IGF2BP3: variants seen among roughly 807,000 people sequenced by gnomAD.
The protein encoded by IGF2BP3 is insulin like growth factor 2 mRNA binding protein 3.
IGF2BP3 carries 9 observed loss-of-function variants against 73.8 expected under a neutral mutation model. The observed-to-expected ratio is 0.12, with a 90% CI of 0.07 to 0.21. The LOEUF (loss-of-function observed/expected upper bound fraction) is 0.21, where lower values mean the gene tolerates loss of function less well. IGF2BP3 is among the 10% of genes least tolerant of loss of function. The probability of loss-of-function intolerance (pLI) is 1.00; values close to 1 mark genes in which losing one functional copy is unlikely to be tolerated. For synonymous variants in IGF2BP3, 258 were observed against 256.7 expected, an observed-to-expected ratio of 1.01 and a Z score of -0.05; for missense variants, 542 against 714.0, an observed-to-expected ratio of 0.76 and a Z score of 2.75.
At chr7:23,439,212 C>T (rs546091029) in intron 2 of IGF2BP3, among the ~76,000 whole-genome samples, 18 of 152,062 alleles carry the variant, frequency 1.2e-4, no homozygotes, top group African/African-American at 4.1e-4. Context: ...CATTGCACTC[C>T]GGGCTGGGGA....
At chr7:23,399,984 T>C (rs904042099) in intron 3 of IGF2BP3, among the ~76,000 whole-genome samples, 2 of 152,176 alleles carry the variant, frequency 1.3e-5, no homozygotes, top group Non-Finnish European at 2.9e-5. Context: ...GAACAAGTTG[T>C]CATATCTTTA....
chr7:23,364,571 A>AACC, intron 3 of IGF2BP3, among the ~76,000 whole-genome samples: 1 of 86,434 alleles, frequency 1.2e-5, no homozygotes, highest in East Asian at 3.2e-4. Context: ...AAAAAAAAAA[A>AACC]GCGGGAGGTT....
At chr7:23,421,480 G>A (rs954968537) in intron 2 of IGF2BP3, among the ~76,000 whole-genome samples, 1 of 151,508 alleles carries the variant, frequency 6.6e-6, no homozygotes, top group Non-Finnish European at 1.5e-5. Flanking sequence ...ATCACCTGAG[G>A]TCAGAAGTTC....
chr7:23,407,947 A>T (rs637801), intron 3 of IGF2BP3, among the ~76,000 whole-genome samples: 4 of 4,454 alleles, frequency 9.0e-4, no homozygotes, highest in Non-Finnish European at 2.4e-3. Flanking sequence ...TGTGGGGGGC[A>T]GGGGGCGGGG....
intron 10 of IGF2BP3, among the ~76,000 whole-genome samples, chr7:23,323,236 A>C (rs963881130): frequency 4.0e-5 from 6 of 151,852 alleles, no homozygotes; most frequent in East Asian, 3.9e-4. Context: ...TCTACCAAGC[A>C]AATGGAAAAC....
chr7:23,408,169 T>C (rs111344500), intron 3 of IGF2BP3, among the ~76,000 whole-genome samples: 117 of 152,198 alleles, frequency 7.7e-4, no homozygotes, highest in African/African-American at 2.2e-3. Flanking sequence ...TGAAAGACAA[T>C]GTTTTCTCAC....
At chr7:23,330,561 C>T (rs1186141362) in intron 10 of IGF2BP3, among the ~76,000 whole-genome samples, 1 of 151,862 alleles carries the variant, frequency 6.6e-6, no homozygotes, top group Non-Finnish European at 1.5e-5. Context: ...AAAAGGGCAT[C>T]CAGAGACAGT....
chr7:23,387,893 G>T (rs1035303767), intron 3 of IGF2BP3, among the ~76,000 whole-genome samples: 27 of 152,170 alleles, frequency 1.8e-4, no homozygotes, highest in Admixed American at 3.9e-4. Context: ...GGACCTGCTG[G>T]TGAGAACATA....
rs770685683 is a variant in IGF2BP3, at chr7:23,331,224, ACTGT to A, written c.1203+10836_1203+10839del. 3.9e-5 allele frequency among the ~76,000 whole-genome samples: 6 copies of A among 152,354 alleles called. No homozygotes were observed. In the East Asian group the frequency reaches 7.7e-4, roughly 20 times the overall value. On this transcript the variant is annotated intron_variant, in intron 10 of 14. Coordinates refer to ENST00000258729, the MANE Select transcript of IGF2BP3 (RefSeq NM_006547.3). ...TGATTTGGGACCATGATGATTTGGAACTGTCTGTCAATTTTAAAAGTTTGTGCTC... is the reference window on the plus strand; with the variant it reads ...TGATTTGGGACCATGATGATTTGGAACTGTCAATTTTAAAAGTTTGTGCTC...
intron 12 of IGF2BP3, among the ~76,000 whole-genome samples, chr7:23,315,218 C>CAGG (rs771093676): frequency 6.6e-6 from 1 of 151,992 alleles, no homozygotes; most frequent in Non-Finnish European, 1.5e-5. Flanking sequence ...AGTGACTCTC[C>CAGG]TGCCTCAGCC....
chr7:23,432,761 C>T (rs1255305421), intron 2 of IGF2BP3, among the ~76,000 whole-genome samples: 1 of 152,082 alleles, frequency 6.6e-6, no homozygotes, highest in Non-Finnish European at 1.5e-5. Flanking sequence ...CTGCCTCAGC[C>T]CCTCAAGTAG....
intron 10 of IGF2BP3, among the ~76,000 whole-genome samples, chr7:23,338,039 C>A (rs903492020): frequency 6.6e-6 from 1 of 151,912 alleles, no homozygotes; most frequent in African/African-American, 2.4e-5. Flanking sequence ...TTTCTAGTAA[C>A]AATACATACC....
intron 2 of IGF2BP3, among the ~76,000 whole-genome samples, chr7:23,433,854 C>T (rs922046181): frequency 6.6e-6 from 1 of 152,078 alleles, no homozygotes; most frequent in African/African-American, 2.4e-5. Context: ...GCGGGAGGAT[C>T]ATCTGAGATC....
intron 10 of IGF2BP3, among the ~76,000 whole-genome samples, chr7:23,326,400 T>G (rs1006441172): frequency 6.6e-5 from 10 of 152,004 alleles, no homozygotes; most frequent in African/African-American, 2.4e-4. Context: ...TGGCAATCAT[T>G]AAAAAGTCAG....
At chr7:23,409,864 C>G (rs1330769542) in intron 3 of IGF2BP3, among the ~76,000 whole-genome samples, 2 of 152,118 alleles carry the variant, frequency 1.3e-5, no homozygotes, top group Non-Finnish European at 2.9e-5. Flanking sequence ...ATACACTGAA[C>G]TTCATTAAAA....
intron 10 of IGF2BP3, among the ~76,000 whole-genome samples, chr7:23,326,380 C>G (rs996878230): frequency 3.3e-5 from 5 of 152,144 alleles, no homozygotes; most frequent in African/African-American, 1.2e-4. Context: ...CCATCTCACA[C>G]CAGCTAGAAT....
chr7:23,315,418 T>C (rs934533001), intron 12 of IGF2BP3, among the ~76,000 whole-genome samples: 2 of 152,196 alleles, frequency 1.3e-5, no homozygotes, highest in Non-Finnish European at 2.9e-5. Context: ...AAGACACTTC[T>C]GATATTTAGA....
intron 3 of IGF2BP3, among the ~76,000 whole-genome samples, chr7:23,372,318 C>A (rs920819257): frequency 5.3e-5 from 8 of 152,046 alleles, no homozygotes; most frequent in East Asian, 1.9e-4. Context: ...CGTGATCTGC[C>A]CCCCCTGGCC....
At chr7:23,393,789 A>C (rs1292779749) in intron 3 of IGF2BP3, among the ~76,000 whole-genome samples, 1 of 152,210 alleles carries the variant, frequency 6.6e-6, no homozygotes, top group Non-Finnish European at 1.5e-5. Flanking sequence ...GATTATCCAC[A>C]GCCTGTGTGA....
Sources: gnomAD v4.1 joint callset for allele counts (sites outside exome capture counted in the v4.1 genomes callset) on GRCh38, gnomAD v4.1.1 for gene constraint, MANE v1.5 for transcripts, NCBI Gene and HGNC (gene_info 2026-07-23, HGNC 2026-07-21) for gene names.